BCL2L13: variants seen among roughly 807,000 people sequenced by gnomAD.
BCL2L13 encodes BCL2 like 13.
In BCL2L13, 13 loss-of-function variants were observed where a neutral mutation model predicts 25.8. The observed-to-expected ratio is 0.50, with a 90% confidence interval of 0.33 to 0.80. BCL2L13 has a LOEUF of 0.80. Among genes scored for constraint, BCL2L13 ranks in the 30% least tolerant of loss-of-function variants. The pLI, the probability that BCL2L13 is intolerant of heterozygous loss-of-function variation, is 0.02. For synonymous variants in BCL2L13, 244 were observed against 230.3 expected, an observed-to-expected ratio of 1.06 and a Z score of -0.54; for missense variants, 504 against 574.9, an observed-to-expected ratio of 0.88 and a Z score of 1.26.
Position 17,646,793 on chromosome 22 carries a change from C to T in BCL2L13, c.-51+7907C>T, listed in dbSNP as rs535787110. ...GGAGTGCAGTTGTGCAATCTCAGCT[C>T]ACTGCAGCCTCTGCCTCCCAGGTTC... On this transcript the variant is annotated intron_variant, in intron 1 of 6. Transcript: ENST00000317582. 1.4e-4 allele frequency among the ~76,000 whole-genome samples: 18 copies of T among 132,230 alleles called. No homozygotes were observed. The Admixed American group carries it at 1.5e-3, about 11-fold the overall frequency. 86.7% of individuals were successfully genotyped at this position (132,230 alleles called of 152,430 possible).
intron 2 of BCL2L13, among the ~76,000 whole-genome samples, chr22:17,670,580 G>T (rs911163794): frequency 1.3e-5 from 2 of 151,884 alleles, no homozygotes; most frequent in African/African-American, 4.8e-5. Flanking sequence ...CTCCATGTTG[G>T]TCAGGCTGGT....
chr22:17,649,450 T>C (rs1013781760), intron 1 of BCL2L13, among the ~76,000 whole-genome samples: 2 of 152,128 alleles, frequency 1.3e-5, no homozygotes, highest in Non-Finnish European at 1.5e-5. Flanking sequence ...TTCTTCCTGC[T>C]ACCAAAGAAA....
At chr22:17,683,963 C>G (rs1212958812) in intron 3 of BCL2L13, among the ~76,000 whole-genome samples, 3 of 151,734 alleles carry the variant, frequency 2.0e-5, no homozygotes, top group Non-Finnish European at 2.9e-5. Context: ...GTGTAAGCCA[C>G]CATGCCTGGC....
At chr22:17,660,076 G>A (rs1379385260) in intron 2 of BCL2L13, among the ~76,000 whole-genome samples, 1 of 145,878 alleles carries the variant, frequency 6.9e-6, no homozygotes, top group Non-Finnish European at 1.6e-5. Context: ...GGCTGGTCTC[G>A]AACTCTTGTT....
At chr22:17,647,606 A>G (rs773375975) in intron 1 of BCL2L13, among the ~76,000 whole-genome samples, 2 of 152,122 alleles carry the variant, frequency 1.3e-5, no homozygotes, top group East Asian at 1.9e-4. Context: ...CATATAGTAA[A>G]TATGTGTTGA....
chr22:17,728,523 T>G lies in BCL2L13; in HGVS notation c.*989T>G, dbSNP rs2061351605. On this transcript the variant is annotated 3_prime_UTR_variant, in exon 7 of 7. Transcript: ENST00000317582. ...TACTTGCCAGCAACATCTCTATTGCTGGATGGTCCCTGTCTATAACCTTGG... is the reference window on the plus strand; with the variant it reads ...TACTTGCCAGCAACATCTCTATTGCGGGATGGTCCCTGTCTATAACCTTGG... 6.6e-6 allele frequency: 1 copy of G among 152,244 alleles called. No individual in the cohort carries two copies. The highest frequency in any genetic ancestry group is 6.5e-5 in the Admixed American group (1 of 15,282). 9.4% of individuals were successfully genotyped at this position (152,244 alleles called of 1,614,324 possible). A position where few individuals can be genotyped will look rare whatever the true frequency, so the allele number is the denominator to read the frequency against.
intron 1 of BCL2L13, among the ~76,000 whole-genome samples, chr22:17,654,715 C>T (rs938210161): frequency 3.3e-5 from 5 of 151,684 alleles, no homozygotes; most frequent in Non-Finnish European, 7.4e-5. Context: ...TGAGCCACCG[C>T]ACCTGGCCTG....
intron 1 of BCL2L13, among the ~76,000 whole-genome samples, chr22:17,647,636 A>G (rs951247192): frequency 6.6e-6 from 1 of 152,186 alleles, no homozygotes; most frequent in African/African-American, 2.4e-5. Flanking sequence ...GTTAAGGTCT[A>G]AGAGGAAGTG....
intron 1 of BCL2L13, among the ~76,000 whole-genome samples, chr22:17,629,230 T>G (rs1165374611): frequency 6.6e-6 from 1 of 152,042 alleles, no homozygotes; most frequent in Non-Finnish European, 1.5e-5. Context: ...GGATACATGA[T>G]TTCTGACTAT....
intron 6 of BCL2L13, among the ~76,000 whole-genome samples, chr22:17,713,034 G>A (rs1046879007): frequency 1.3e-5 from 2 of 152,136 alleles, no homozygotes; most frequent in Admixed American, 6.6e-5. Flanking sequence ...AGGTTAAATC[G>A]ATTACAGCAG....
rs556365188 is a variant in BCL2L13 at position 17,646,673 on chromosome 22, A to G, written c.-51+7787A>G. 2.3e-4 allele frequency among the ~76,000 whole-genome samples: 33 copies of G among 142,480 alleles called. 1 individual carries two copies. The South Asian group carries it at 6.9e-3, about 30-fold the overall frequency. 93.5% of individuals were successfully genotyped at this position (142,480 alleles called of 152,430 possible). A position where few individuals can be genotyped will look rare whatever the true frequency, so the allele number is the denominator to read the frequency against. ...TAAAATTCAATGAGTAAAGGTAACT[A>G]TATGTCCCTCTCATCATTTGAAAAG... On this transcript the variant is annotated intron_variant, in intron 1 of 6. Transcript: ENST00000317582.
intron 1 of BCL2L13, among the ~76,000 whole-genome samples, chr22:17,652,882 G>A (rs1322619867): frequency 6.6e-6 from 1 of 152,116 alleles, no homozygotes; most frequent in Non-Finnish European, 1.5e-5. Flanking sequence ...GGCTAACACG[G>A]TGAAACCCTG....
At chr22:17,638,241 C>G (rs573459974), upstream of BCL2L13, 1 of 157,598 alleles carries the variant, frequency 6.3e-6, no homozygotes, top group Admixed American at 6.5e-5. Context: ...TTCCTTCATG[C>G]CCTGGCGCCT....
In BCL2L13 at chr22:17,680,668, G is replaced by C. The variant is rs181382175; in HGVS notation, c.122-2546G>C. ...AAGGAGGGTGGCATGCATGATTCAC[G>C]AGGTAAGTGAGCATCACTACGTGTG... On this transcript the variant is annotated intron_variant, in intron 2 of 6. Coordinates refer to ENST00000317582, the MANE Select transcript of BCL2L13 (RefSeq NM_015367.4). Among the ~76,000 whole-genome samples the C allele has an allele frequency of 3.3e-4, 50 of 152,140 alleles. No homozygotes were observed. In the South Asian group the frequency reaches 1.0e-2, roughly 30 times the overall value.
chr22:17,675,107 A>G lies in BCL2L13; in HGVS notation c.122-8107A>G, dbSNP rs529137051. 4.6e-5 allele frequency among the ~76,000 whole-genome samples: 7 copies of G among 152,258 alleles called. 1 individual carries two copies. In the South Asian group the frequency reaches 1.5e-3, roughly 32 times the overall value. ...ACACACACACATATATATACTATAA[A>G]ACAGAGGGTATATTTAGTTCCAGGA... On this transcript the variant is annotated intron_variant, in intron 2 of 6. Coordinates refer to ENST00000317582, the MANE Select transcript of BCL2L13 (RefSeq NM_015367.4).
At chr22:17,653,008 T>C (rs1029110143) in intron 1 of BCL2L13, among the ~76,000 whole-genome samples, 2 of 151,868 alleles carry the variant, frequency 1.3e-5, no homozygotes, top group Non-Finnish European at 2.9e-5. Flanking sequence ...GAGCTTGCAG[T>C]GAGCCGAGAT....
At chr22:17,635,001 T>C (rs937894246), upstream of BCL2L13, among the ~76,000 whole-genome samples, 1 of 143,622 alleles carries the variant, frequency 7.0e-6, no homozygotes, top group East Asian at 2.0e-4. Flanking sequence ...TGAATGCAAA[T>C]GAATAAAATG....
intron 1 of BCL2L13, among the ~76,000 whole-genome samples, chr22:17,654,349 TG>T (rs2058781321): frequency 6.6e-6 from 1 of 152,138 alleles, no homozygotes; most frequent in South Asian, 2.1e-4. Context: ...AACCTGCCTC[TG>T]CCTCCGCCTC....
At chr22:17,687,612 G>T (rs71328231) in intron 3 of BCL2L13, among the ~76,000 whole-genome samples, 21,210 of 152,068 alleles carry the variant, frequency 0.14, 2,037 homozygotes, top group Non-Finnish European at 0.21. Flanking sequence ...TGCCTCCTGG[G>T]TTCACACCAT....
Sources: gnomAD v4.1 joint callset for allele counts (sites outside exome capture counted in the v4.1 genomes callset) on GRCh38, gnomAD v4.1.1 for gene constraint, MANE v1.5 for transcripts, NCBI Gene and HGNC (gene_info 2026-07-23, HGNC 2026-07-21) for gene names.